The following RASGRF2 variants were observed in gnomAD, a reference collection of about 807,000 sequenced individuals.
RASGRF2 encodes Ras protein specific guanine nucleotide releasing factor 2.
A neutral mutation model predicts 151.0 loss-of-function variants in RASGRF2; 76 were observed. That is an observed-to-expected ratio of 0.50 (90% CI 0.42 to 0.61). The LOEUF is 0.61. Ranked by LOEUF, RASGRF2 falls within the 20% of genes least tolerant of loss-of-function variation. The pLI is 0.00. For missense variants in RASGRF2, 1,148 were observed against 1,564.6 expected, an observed-to-expected ratio of 0.73 and a Z score of 4.49; for synonymous variants, 504 against 566.5, an observed-to-expected ratio of 0.89 and a Z score of 1.57.
At chr5:81,071,859 A>G (rs1241298195) in intron 4 of RASGRF2, among the ~76,000 whole-genome samples, 2 of 152,174 alleles carry the variant, frequency 1.3e-5, no homozygotes, top group African/African-American at 2.4e-5. Context: ...TGAAGCATCT[A>G]TTGGTCGGCA....
At chr5:81,055,102 A>T (rs1307143777) in intron 2 of RASGRF2, among the ~76,000 whole-genome samples, 1 of 152,092 alleles carries the variant, frequency 6.6e-6, no homozygotes, top group Non-Finnish European at 1.5e-5. Flanking sequence ...TCTTTTCCTA[A>T]TTGAATACCC....
chr5:81,127,935 A>AAG (rs1753506392), intron 17 of RASGRF2, among the ~76,000 whole-genome samples: 1 of 150,918 alleles, frequency 6.6e-6, no homozygotes, highest in African/African-American at 2.4e-5. Flanking sequence ...AAAAAAAAAA[A>AAG]AAAAAAAAAA....
At chr5:81,098,493 G>A (rs1370473447) in intron 12 of RASGRF2, among the ~76,000 whole-genome samples, 1 of 152,180 alleles carries the variant, frequency 6.6e-6, no homozygotes, top group Non-Finnish European at 1.5e-5. Flanking sequence ...GAGGGGTCAA[G>A]TCAGGGAGAA....
At chr5:81,065,266 A>G (rs1321342183) in intron 2 of RASGRF2, among the ~76,000 whole-genome samples, 1 of 152,206 alleles carries the variant, frequency 6.6e-6, no homozygotes, top group Non-Finnish European at 1.5e-5. Context: ...TTCATTTTCT[A>G]TTCTGTAACA....
intron 17 of RASGRF2, among the ~76,000 whole-genome samples, chr5:81,128,163 A>G (rs140397119): frequency 0.017 from 2,554 of 152,024 alleles, 78 homozygotes; most frequent in African/African-American, 0.058. Flanking sequence ...GCTGTTTGGT[A>G]AAAGGATAAA....
chr5:81,059,282 G>T (rs1229899521), intron 2 of RASGRF2, among the ~76,000 whole-genome samples: 2 of 151,792 alleles, frequency 1.3e-5, no homozygotes, highest in African/African-American at 2.4e-5. Context: ...TACTAGGGAG[G>T]CTGAGGCAGA....
Position 81,225,838 on chromosome 5 carries a change from C to CT in RASGRF2, c.*70dup. 14 of 1,540,370 alleles carry CT rather than the reference C, an allele frequency of 9.1e-6. No homozygotes were observed. The highest frequency in any genetic ancestry group is 1.1e-5 in the Non-Finnish European group (13 of 1,135,406). ...GCAGGACAGACAGAATTGTGTATGC[C>CT]TTGCCTATCACGGTACAGCACGAAG... On this transcript the variant is annotated 3_prime_UTR_variant, in exon 27 of 27. Coordinates refer to ENST00000265080, the MANE Select transcript of RASGRF2 (RefSeq NM_006909.3).
chr5:81,149,542 TG>T (rs1754086508), intron 17 of RASGRF2, among the ~76,000 whole-genome samples: 1 of 151,916 alleles, frequency 6.6e-6, no homozygotes, highest in Non-Finnish European at 1.5e-5. Flanking sequence ...TACTTGGTGA[TG>T]GGGGCACCAA....
Position 80,980,534 on chromosome 5 carries a change from C to T in RASGRF2, c.288+19508C>T, listed in dbSNP as rs144331662. 7.5e-3 allele frequency among the ~76,000 whole-genome samples: 1,136 copies of T among 152,148 alleles called. 14 individuals carry two copies. Among genetic ancestry groups the T allele is most frequent in the African/African-American group, 0.026 (1,091 of 41,500 alleles). On this transcript the variant is annotated intron_variant, in intron 1 of 26. Transcript: ENST00000265080. The stretch of plus-strand genomic sequence containing the variant: ...GTGCACGCCTATAATCCCAGCTACT[C>T]GGGAGGCTGAAGCAAGAGAATAGCT...
chr5:81,058,266 A>G (rs1044365883), intron 2 of RASGRF2, among the ~76,000 whole-genome samples: 2 of 152,206 alleles, frequency 1.3e-5, no homozygotes, highest in Non-Finnish European at 2.9e-5. Flanking sequence ...AAAATAGCTA[A>G]CCAAATGAAA....
intron 17 of RASGRF2, among the ~76,000 whole-genome samples, chr5:81,141,622 T>C (rs1753887390): frequency 6.6e-6 from 1 of 152,224 alleles, no homozygotes; most frequent in Non-Finnish European, 1.5e-5. Flanking sequence ...TTGCTTAATT[T>C]TGTTATTAAC....
At chr5:81,104,902 T>C (rs969179419) in intron 12 of RASGRF2, among the ~76,000 whole-genome samples, 5 of 152,194 alleles carry the variant, frequency 3.3e-5, no homozygotes, top group African/African-American at 1.2e-4. Flanking sequence ...CTCTCACTCC[T>C]TGGCACTTGG....
intron 19 of RASGRF2, among the ~76,000 whole-genome samples, chr5:81,203,396 C>T (rs745384194): frequency 6.6e-6 from 1 of 152,198 alleles, no homozygotes; most frequent in Non-Finnish European, 1.5e-5. Flanking sequence ...CCCATCAATT[C>T]TGAGAGCTTT....
intron 5 of RASGRF2, among the ~76,000 whole-genome samples, chr5:81,076,296 G>T (rs901227219): frequency 2.0e-4 from 31 of 152,318 alleles, no homozygotes; most frequent in African/African-American, 5.1e-4. Flanking sequence ...GTAAAAGAAG[G>T]ATGGAGGAGA....
chr5:81,133,928 G>A (rs903728714), intron 17 of RASGRF2, among the ~76,000 whole-genome samples: 3 of 152,078 alleles, frequency 2.0e-5, no homozygotes, highest in Non-Finnish European at 4.4e-5. Flanking sequence ...TGTGAGTTGG[G>A]CTTGGATCGG....
At chr5:81,217,056 A>G in intron 24 of RASGRF2, 1 of 444,486 alleles carries the variant, frequency 2.2e-6, no homozygotes, top group Non-Finnish European at 4.4e-6. Flanking sequence ...GCAGTTTACA[A>G]GTATTGCAAA....
intron 1 of RASGRF2, among the ~76,000 whole-genome samples, chr5:80,971,913 T>TA (rs1324846493): frequency 1.3e-5 from 2 of 151,608 alleles, no homozygotes; most frequent in Non-Finnish European, 2.9e-5. Flanking sequence ...TTTATTTTTT[T>TA]ATTTTTTAGA....
intron 1 of RASGRF2, among the ~76,000 whole-genome samples, chr5:80,969,496 T>C (rs985935871): frequency 2.6e-5 from 4 of 150,994 alleles, no homozygotes; most frequent in East Asian, 1.9e-4. Flanking sequence ...TCACCCACGC[T>C]GGAGTGCAGT....
intron 13 of RASGRF2, among the ~76,000 whole-genome samples, chr5:81,111,728 T>TA (rs1393487121): frequency 6.6e-6 from 1 of 151,512 alleles, no homozygotes; most frequent in Non-Finnish European, 1.5e-5. Flanking sequence ...TAATACAATA[T>TA]AAAAAACAGT....
Sources: allele counts gnomAD v4.1 joint callset (sites outside exome capture counted in the v4.1 genomes callset), GRCh38; gene constraint gnomAD v4.1.1; transcripts MANE v1.5; gene names NCBI Gene and HGNC (gene_info 2026-07-23, HGNC 2026-07-21).